Variants in LHFPL6 observed in about 807,000 individuals in gnomAD.
LHFPL6 encodes LHFPL tetraspan subfamily member 6 protein.
A neutral mutation model predicts 20.6 loss-of-function variants in LHFPL6; 9 were observed. The observed-to-expected ratio is 0.44, with a 90% CI of 0.26 to 0.76. The LOEUF is 0.76. Among genes scored for constraint, LHFPL6 ranks in the 30% least tolerant of loss-of-function variants. The pLI is 0.20. For synonymous variants in LHFPL6, 105 were observed against 98.7 expected (o/e 1.06, Z -0.38); for missense variants, 218 against 253.5 (o/e 0.86, Z 0.95).
chr13:39,466,507 A>G (rs545668467), intron 2 of LHFPL6, among the ~76,000 whole-genome samples: 1 of 152,370 alleles, frequency 6.6e-6, no homozygotes, highest in South Asian at 2.1e-4. Flanking sequence ...TATGGCTACT[A>G]CACAGGTCTT....
At chr13:39,364,057 C>T (rs889930627) in intron 3 of LHFPL6, among the ~76,000 whole-genome samples, 1 of 152,208 alleles carries the variant, frequency 6.6e-6, no homozygotes, top group African/African-American at 2.4e-5. Flanking sequence ...CACCATCACA[C>T]ATGCGATCCA....
chr13:39,399,253 G>A (rs1304430996), intron 2 of LHFPL6, among the ~76,000 whole-genome samples: 2 of 152,166 alleles, frequency 1.3e-5, no homozygotes, highest in Non-Finnish European at 2.9e-5. Flanking sequence ...AGTACTTACA[G>A]CTATCTTGTT....
intron 2 of LHFPL6, among the ~76,000 whole-genome samples, chr13:39,550,873 A>C (rs17060245): frequency 0.096 from 14,639 of 152,194 alleles, 882 homozygotes; most frequent in East Asian, 0.29. Flanking sequence ...TTTTTCTACT[A>C]GGAAAGTTGT....
At chr13:39,585,263 G>A (rs1566148089) in intron 2 of LHFPL6, among the ~76,000 whole-genome samples, 2 of 152,194 alleles carry the variant, frequency 1.3e-5, no homozygotes. Context: ...AATATCAAAT[G>A]AGGATTATAT....
At chr13:39,447,312 C>CT (rs755645111) in intron 2 of LHFPL6, among the ~76,000 whole-genome samples, 10 of 152,232 alleles carry the variant, frequency 6.6e-5, no homozygotes, top group Non-Finnish European at 1.5e-4. Context: ...TTTTCATAAT[C>CT]TTTTTTTAAG....
chr13:39,590,164 T>TA (rs951118143), intron 2 of LHFPL6, among the ~76,000 whole-genome samples: 5 of 151,678 alleles, frequency 3.3e-5, no homozygotes, highest in Middle Eastern at 6.8e-3. Context: ...TCTCAGCTGT[T>TA]AAAAAAAAAT....
At chr13:39,415,320 T>C (rs1256471369) in intron 2 of LHFPL6, among the ~76,000 whole-genome samples, 2 of 152,152 alleles carry the variant, frequency 1.3e-5, no homozygotes, top group Non-Finnish European at 2.9e-5. Flanking sequence ...TACTACTATA[T>C]TGCCTCAGCC....
At chr13:39,394,801 G>T (rs1233811903) in intron 2 of LHFPL6, among the ~76,000 whole-genome samples, 1 of 152,134 alleles carries the variant, frequency 6.6e-6, no homozygotes, top group Non-Finnish European at 1.5e-5. Context: ...AAAGAGATTA[G>T]GTGGCATGCT....
chr13:39,378,583 A>ATATTT (rs1870356990), intron 2 of LHFPL6, 57 bp from the exon 3 acceptor site: 3 of 1,304,152 alleles, frequency 2.3e-6, no homozygotes, highest in Non-Finnish European at 3.3e-6. Context: ...CACTAGATAA[A>ATATTT]GGTGGTGGGA....
chr13:39,470,307 C>T (rs1872910306), intron 2 of LHFPL6, among the ~76,000 whole-genome samples: 1 of 152,042 alleles, frequency 6.6e-6, no homozygotes. Context: ...AAAGCTCTTG[C>T]CAAATTTTGA....
intron 2 of LHFPL6, among the ~76,000 whole-genome samples, chr13:39,472,131 C>T (rs7985325): frequency 0.55 from 83,749 of 152,112 alleles, 24,346 homozygotes; most frequent in East Asian, 0.9. Context: ...ATCTGATCTC[C>T]CTGGTCCTAG....
At chr13:39,384,263 G>A (rs1870510343) in intron 2 of LHFPL6, among the ~76,000 whole-genome samples, 1 of 152,176 alleles carries the variant, frequency 6.6e-6, no homozygotes, top group Admixed American at 6.5e-5. Flanking sequence ...CTAAAGCTTT[G>A]CCTTTAAGCA....
At chr13:39,577,008 C>T (rs527754354) in intron 2 of LHFPL6, among the ~76,000 whole-genome samples, 14 of 152,230 alleles carry the variant, frequency 9.2e-5, no homozygotes, top group African/African-American at 3.4e-4. Context: ...CACCCAATGT[C>T]CTAATCTGTT....
intron 2 of LHFPL6, among the ~76,000 whole-genome samples, chr13:39,579,767 GT>G (rs1872222774): frequency 6.6e-6 from 1 of 152,134 alleles, no homozygotes; most frequent in Non-Finnish European, 1.5e-5. Context: ...TCACTGGCAA[GT>G]TTCATTTTGT....
At chr13:39,490,289 C>A (rs544590043) in intron 2 of LHFPL6, among the ~76,000 whole-genome samples, 39 of 152,208 alleles carry the variant, frequency 2.6e-4, no homozygotes, top group African/African-American at 9.1e-4. Flanking sequence ...CTCTTAGAGA[C>A]AATAGAGCCA....
intron 3 of LHFPL6, among the ~76,000 whole-genome samples, chr13:39,377,041 G>A (rs993692070): frequency 2.6e-5 from 4 of 152,028 alleles, no homozygotes; most frequent in Non-Finnish European, 5.9e-5. Context: ...CTGGAAAGAC[G>A]CTCTCACCAT....
chr13:39,465,848 C>T (rs1320793960), intron 2 of LHFPL6, among the ~76,000 whole-genome samples: 1 of 151,970 alleles, frequency 6.6e-6, no homozygotes, highest in Non-Finnish European at 1.5e-5. Flanking sequence ...CCTTTCACTG[C>T]AAAAGAGTCT....
intron 2 of LHFPL6, among the ~76,000 whole-genome samples, chr13:39,537,988 CTTTCTTTT>C (rs1566135952): frequency 6.0e-5 from 7 of 116,332 alleles, no homozygotes; most frequent in Non-Finnish European, 1.1e-4. Flanking sequence ...TTCTTTCTTT[CTTTCTTTT>C]TTTTTTTTTT....
chr13:39,393,404 A>G (rs1227269780), intron 2 of LHFPL6, among the ~76,000 whole-genome samples: 1 of 152,186 alleles, frequency 6.6e-6, no homozygotes, highest in Non-Finnish European at 1.5e-5. Context: ...TAGCAGCAAA[A>G]CCAACAGATA....
Sources: gnomAD v4.1 joint callset for allele counts (sites outside exome capture counted in the v4.1 genomes callset) on GRCh38, gnomAD v4.1.1 for gene constraint, MANE v1.5 for transcripts, NCBI Gene and HGNC (gene_info 2026-07-23, HGNC 2026-07-21) for gene names.